KANSL1L: variants seen among roughly 807,000 people sequenced by gnomAD.
KANSL1L encodes the protein KAT8 regulatory NSL complex subunit 1 like.
KANSL1L carries 25 observed loss-of-function variants against 108.6 expected under a neutral mutation model. That is an observed-to-expected ratio of 0.23 (90% CI 0.17 to 0.32). The LOEUF (loss-of-function observed/expected upper bound fraction) is 0.32. Ranked by LOEUF, KANSL1L falls within the 10% of genes least tolerant of loss-of-function variation. The pLI, the probability that KANSL1L is intolerant of heterozygous loss-of-function variation, is 1.00. For synonymous variants in KANSL1L, 405 were observed against 395.1 expected, an observed-to-expected ratio of 1.03 and a Z score of -0.30; for missense variants, 1,137 against 1,125.7, an observed-to-expected ratio of 1.01 and a Z score of -0.14.
In KANSL1L at chr2:210,154,479, G is replaced by A; in HGVS notation, c.104C>T (p.Thr35Ile). 1 of 1,612,518 alleles carries A rather than the reference G, an allele frequency of 6.2e-7. No homozygotes were observed. The highest frequency in any genetic ancestry group is 2.2e-5 in the East Asian group (1 of 44,826). ...DKMLYMESPR[T>I]VDEKLKGDTF... is the part of the protein sequence containing the mutation. Reference sequence around the variant, plus strand: ...GTCTCCCTTTAGCTTTTCATCTACAGTTCTGGGACTTTCCATGTAGAGCAT... The same window carrying A: ...GTCTCCCTTTAGCTTTTCATCTACAATTCTGGGACTTTCCATGTAGAGCAT... Residue 35 changes from threonine to isoleucine, a missense_variant, in exon 2 of 15, where the codon ACT (threonine) becomes ATT (isoleucine). This residue lies in a region of KANSL1L where 556 missense variants were observed against 537.7 expected (regional missense o/e 1.03). Coordinates refer to ENST00000281772, the MANE Select transcript of KANSL1L (RefSeq NM_152519.4).
intron 2 of KANSL1L, among the ~76,000 whole-genome samples, chr2:210,132,292 CACCA>C (rs2095128871): frequency 6.6e-6 from 1 of 152,082 alleles, no homozygotes; most frequent in Non-Finnish European, 1.5e-5. Flanking sequence ...ATAACTAATG[CACCA>C]GCATACTCAG....
At chr2:210,023,210 C>CAACTAACTTGTTT in intron 14 of KANSL1L, 31 bp from the exon 15 acceptor site, 5 of 1,491,488 alleles carry the variant, frequency 3.4e-6, no homozygotes, top group Non-Finnish European at 4.7e-6. Context: ...AGTTAAGTTT[C>CAACTAACTTGTTT]AACTAACTTG....
chr2:210,119,267 A>C (rs775904411), intron 3 of KANSL1L, among the ~76,000 whole-genome samples: 1 of 152,184 alleles, frequency 6.6e-6, no homozygotes, highest in Non-Finnish European at 1.5e-5. Context: ...CTTAAAGAAG[A>C]AGTAGTATCA....
At chr2:210,058,761 C>T (rs1397666120) in intron 6 of KANSL1L, among the ~76,000 whole-genome samples, 8 of 151,088 alleles carry the variant, frequency 5.3e-5, no homozygotes, top group African/African-American at 9.8e-5. Context: ...GGTGTGAACC[C>T]GGGAGGCGCA....
rs1417474177 is a variant in KANSL1L, at chr2:210,170,438, CCTCTT to C, written c.-30+706_-30+710del. On this transcript the variant is annotated intron_variant, in intron 1 of 14. Coordinates refer to ENST00000281772, the MANE Select transcript of KANSL1L (RefSeq NM_152519.4). ...CCTGCCCTCCCGACTGCAAAGCCAGCCTCTTTCCTTTCCTGTGGTTTCTGAAACGG... is the reference window on the plus strand; with the variant it reads ...CCTGCCCTCCCGACTGCAAAGCCAGCTCCTTTCCTGTGGTTTCTGAAACGG... The C allele has an allele frequency of 1.6e-5, 15 of 962,066 alleles. No homozygotes were observed. The East Asian group carries it at 1.7e-3, about 110-fold the overall frequency. The allele number at this position is 962,066 out of a possible 1,614,324, so 59.6% of individuals were successfully genotyped here.
rs564927323 is a variant in KANSL1L at position 210,135,905 on chromosome 2, A to G, written c.1089-6733T>C. 6.6e-5 allele frequency among the ~76,000 whole-genome samples: 10 copies of G among 152,284 alleles called. No individual in the cohort carries two copies. The South Asian group carries it at 2.1e-3, about 32-fold the overall frequency. On this transcript the variant is annotated intron_variant, in intron 2 of 14. Coordinates refer to ENST00000281772, the MANE Select transcript of KANSL1L (RefSeq NM_152519.4). ...ATGAGCCTTACTGACATACAAGTTA[A>G]TAACTTACATACTCTATCATCAAGT...
At chr2:210,094,297 A>G (rs1334976310) in intron 5 of KANSL1L, among the ~76,000 whole-genome samples, 1 of 152,142 alleles carries the variant, frequency 6.6e-6, no homozygotes, top group Non-Finnish European at 1.5e-5. Context: ...TAGTATTTAT[A>G]TGCTTCCGAG....
At chr2:210,065,290 CAAAAAAAAAAAAAA>C (rs60860386) in intron 6 of KANSL1L, among the ~76,000 whole-genome samples, 4 of 53,270 alleles carry the variant, frequency 7.5e-5, no homozygotes, top group Admixed American at 3.5e-4. Context: ...GACTCTGTCT[CAAAAAAAAAAAAAA>C]AAAAAAAAAA....
At chr2:210,031,710 G>C (rs1358511626) in intron 8 of KANSL1L, among the ~76,000 whole-genome samples, 164 bp from the exon 9 acceptor site, 3 of 152,076 alleles carry the variant, frequency 2.0e-5, no homozygotes, top group African/African-American at 4.8e-5. Context: ...ACATCCCCAG[G>C]AATTTCCAGT....
At chr2:210,030,440 T>C (rs1368601107) in intron 9 of KANSL1L, among the ~76,000 whole-genome samples, 2 of 151,714 alleles carry the variant, frequency 1.3e-5, no homozygotes, top group Non-Finnish European at 2.9e-5. Flanking sequence ...TTCTCATATC[T>C]CTCAGGATAT....
chr2:210,027,977 G>C (rs1198583770), intron 11 of KANSL1L, among the ~76,000 whole-genome samples: 3 of 152,194 alleles, frequency 2.0e-5, no homozygotes, highest in Non-Finnish European at 4.4e-5. Context: ...AATTAGAATA[G>C]AGATGTATAG....
chr2:210,064,193 C>T (rs1377002378), intron 6 of KANSL1L: 13 of 152,170 alleles, frequency 8.5e-5, no homozygotes, highest in African/African-American at 3.1e-4. Context: ...GCAAGGTATC[C>T]CCAGCCATGT....
intron 5 of KANSL1L, among the ~76,000 whole-genome samples, chr2:210,087,138 C>A (rs1166099151): frequency 3.3e-5 from 5 of 151,896 alleles, no homozygotes; most frequent in Admixed American, 6.6e-5. Context: ...AAGCAATCCT[C>A]CCACCTCAGC....
chr2:210,049,699 A>T (rs1336455921), intron 6 of KANSL1L, among the ~76,000 whole-genome samples: 1 of 152,222 alleles, frequency 6.6e-6, no homozygotes, highest in Non-Finnish European at 1.5e-5. Flanking sequence ...GTGTTTCTCA[A>T]GGAATGCAAT....
intron 9 of KANSL1L, chr2:210,030,856 T>C (rs2094006853): frequency 6.6e-6 from 1 of 152,236 alleles, no homozygotes; most frequent in Admixed American, 6.5e-5. Context: ...ATTTGTAGTA[T>C]GACATTTCTT....
chr2:210,170,378 G>A (rs1164125340), intron 1 of KANSL1L: 2 of 985,288 alleles, frequency 2.0e-6, no homozygotes, highest in Admixed American at 6.2e-5. Context: ...GACTCTCCCA[G>A]AGTAAGAAAA....
chr2:210,149,784 T>A (rs527350341), intron 2 of KANSL1L, among the ~76,000 whole-genome samples: 58 of 151,994 alleles, frequency 3.8e-4, no homozygotes, highest in Non-Finnish European at 6.5e-4. Flanking sequence ...GTACAGTCTT[T>A]CCCACAAGAA....
At chr2:210,129,439 CAGA>C (rs1387080471) in intron 2 of KANSL1L, among the ~76,000 whole-genome samples, 2 of 152,090 alleles carry the variant, frequency 1.3e-5, no homozygotes, top group Non-Finnish European at 2.9e-5. Flanking sequence ...TTTATCAGTG[CAGA>C]AGGTCTTAAA....
chr2:210,079,692 GTATGTGTGTATA>G (rs2094573776), intron 5 of KANSL1L: 1 of 10,744 alleles, frequency 9.3e-5, no homozygotes, highest in Non-Finnish European at 1.7e-4. Flanking sequence ...ATATATATAT[GTATGTGTGTATA>G]TATATATATA....
Sources: gnomAD v4.1 joint callset for allele counts (sites outside exome capture counted in the v4.1 genomes callset) on GRCh38, gnomAD v4.1.1 for gene constraint, gnomAD v4.1.1 regional missense constraint, MANE v1.5 for transcripts, NCBI Gene and HGNC (gene_info 2026-07-23, HGNC 2026-07-21) for gene names.